Variants in CFAP20DC observed in about 807,000 individuals in gnomAD.
CFAP20DC encodes the protein CFAP20 domain containing.
Under a neutral mutation model 101.7 loss-of-function variants are expected in CFAP20DC, and 84 were observed. The ratio of observed to expected loss-of-function variants is 0.83; its 90% CI spans 0.69 to 0.99. The LOEUF is 0.99. CFAP20DC is among the 50% of genes least tolerant of loss of function. CFAP20DC has a pLI of 0.00. For missense variants in CFAP20DC, 1,007 were observed against 970.3 expected (o/e 1.04, Z -0.50); for synonymous variants, 359 against 351.2 (o/e 1.02, Z -0.25).
chr3:59,001,896 C>T lies in CFAP20DC; in HGVS notation c.278+37661G>A, dbSNP rs750900222. The stretch of plus-strand genomic sequence containing the variant: ...AATTAGTGTGGCTTGAGCGGAAGGA[C>T]AAAAACGTGACATGTGGTAAAGAAG... On this transcript the variant is annotated intron_variant, in intron 4 of 16. Coordinates refer to ENST00000482387, the MANE Select transcript of CFAP20DC (RefSeq NM_001394063.1). The surrounding 1 kb of genome is among the most constrained non-coding windows in gnomAD (Gnocchi z 4.5). 1.6e-4 allele frequency among the ~76,000 whole-genome samples: 25 copies of T among 152,022 alleles called. No homozygotes were observed. The highest frequency in any genetic ancestry group is 1.2e-3 in the Admixed American group (19 of 15,274).
chr3:58,890,173 G>A (rs1357452873), intron 6 of CFAP20DC, among the ~76,000 whole-genome samples: 1 of 150,224 alleles, frequency 6.7e-6, no homozygotes, highest in African/African-American at 2.5e-5. Flanking sequence ...CGGCTGGCTG[G>A]GCAGGGGGCT....
At chr3:58,939,324 G>C (rs1445942715) in intron 4 of CFAP20DC, among the ~76,000 whole-genome samples, 1 of 152,072 alleles carries the variant, frequency 6.6e-6, no homozygotes, top group African/African-American at 2.4e-5. Context: ...GAAATAAAAG[G>C]AAAGACTACT....
Position 58,967,686 on chromosome 3 carries a change from T to A in CFAP20DC, c.279-29924A>T, listed in dbSNP as rs576599198. ...AACGAAAAGATAATCCAATTAAAAATGGGCAAATAATTTATTTTTAATTTT... is the reference window on the plus strand; with the variant it reads ...AACGAAAAGATAATCCAATTAAAAAAGGGCAAATAATTTATTTTTAATTTT... On this transcript the variant is annotated intron_variant, in intron 4 of 16. Coordinates refer to ENST00000482387, the MANE Select transcript of CFAP20DC (RefSeq NM_001394063.1). Among the ~76,000 whole-genome samples the A allele has an allele frequency of 1.8e-4, 28 of 152,248 alleles. No individual in the cohort carries two copies. In the South Asian group the frequency reaches 5.2e-3, roughly 28 times the overall value.
chr3:58,834,131 A>G (rs890486022), intron 13 of CFAP20DC, among the ~76,000 whole-genome samples: 1 of 152,222 alleles, frequency 6.6e-6, no homozygotes, highest in Non-Finnish European at 1.5e-5. Context: ...TGATGGTTAC[A>G]GAATCTTGTG....
intron 14 of CFAP20DC, among the ~76,000 whole-genome samples, chr3:58,819,438 A>C (rs1362060765): frequency 6.6e-6 from 1 of 151,308 alleles, no homozygotes; most frequent in Non-Finnish European, 1.5e-5. Flanking sequence ...AAATAGACAC[A>C]ATAAAAAATG....
At chr3:58,939,063 G>A (rs867828901) in intron 4 of CFAP20DC, among the ~76,000 whole-genome samples, 4 of 152,276 alleles carry the variant, frequency 2.6e-5, no homozygotes, top group South Asian at 2.1e-4. Flanking sequence ...TGGGGAGGGG[G>A]AGTGATATGC....
chr3:58,855,777 A>T (rs1279426227), intron 12 of CFAP20DC, among the ~76,000 whole-genome samples: 10 of 145,050 alleles, frequency 6.9e-5, no homozygotes, highest in Non-Finnish European at 1.5e-4. Flanking sequence ...TAGGTGGGAA[A>T]TGAACAATGA....
At chr3:58,847,424 C>T (rs1435101558) in intron 13 of CFAP20DC, among the ~76,000 whole-genome samples, 4 of 150,648 alleles carry the variant, frequency 2.7e-5, no homozygotes, top group African/African-American at 9.7e-5. Context: ...AAATGCTCAC[C>T]ATCACTGGCC....
chr3:58,894,016 G>A lies in CFAP20DC; in HGVS notation c.551-9307C>T, dbSNP rs771232418. On this transcript the variant is annotated intron_variant, in intron 6 of 16. Transcript: ENST00000482387. This position sits in a 1 kb window ranked among gnomAD's most constrained non-coding sequence, Gnocchi z 4.1. Reference sequence around the variant, plus strand: ...GAAACTCCCCTTTTTAAAACCATCAGATCTCAAAAGACTTACTTGCTATCA... The same window carrying A: ...GAAACTCCCCTTTTTAAAACCATCAAATCTCAAAAGACTTACTTGCTATCA... 2.0e-5 allele frequency among the ~76,000 whole-genome samples: 3 copies of A among 152,126 alleles called. No homozygotes were observed. The highest frequency in any genetic ancestry group is 2.9e-5 in the Non-Finnish European group (2 of 68,018).
intron 6 of CFAP20DC, among the ~76,000 whole-genome samples, chr3:58,909,284 C>T (rs539910218): frequency 3.3e-5 from 5 of 151,944 alleles, no homozygotes; most frequent in Admixed American, 6.6e-5. Flanking sequence ...CTATACTGTC[C>T]GCTTCATTTT....
At chr3:58,995,396 T>C (rs1451138059) in intron 4 of CFAP20DC, among the ~76,000 whole-genome samples, 1 of 151,988 alleles carries the variant, frequency 6.6e-6, no homozygotes, top group Non-Finnish European at 1.5e-5. Context: ...AAAAACACTA[T>C]TTGTAGAAAT....
rs545108488 is a variant in CFAP20DC, at chr3:58,843,090, C to A, written c.1971+5942G>T. Among the ~76,000 whole-genome samples the A allele has an allele frequency of 1.3e-3, 201 of 152,320 alleles. 1 individual carries two copies. Among genetic ancestry groups the A allele is most frequent in the African/African-American group, 4.7e-3 (196 of 41,576 alleles). ...AAACAGAACAGAAAAACTGGAAACT[C>A]TAAAACGCAGAGCGCCTCTCTTCCT... On this transcript the variant is annotated intron_variant, in intron 13 of 16. Coordinates refer to ENST00000482387, the MANE Select transcript of CFAP20DC (RefSeq NM_001394063.1).
chr3:58,838,747 A>C (rs1427611441), intron 13 of CFAP20DC, among the ~76,000 whole-genome samples: 1 of 152,174 alleles, frequency 6.6e-6, no homozygotes, highest in African/African-American at 2.4e-5. Flanking sequence ...ACTCTTATTA[A>C]CCTTAAAGTG....
Position 58,799,240 on chromosome 3 carries a change from C to T in CFAP20DC, c.2237+7155G>A, listed in dbSNP as rs2073484532. On this transcript the variant is annotated intron_variant, in intron 15 of 16. Transcript: ENST00000482387. This position sits in a 1 kb window ranked among gnomAD's most constrained non-coding sequence, Gnocchi z 4.9. ...ACTCCATAAAATACGTGTGAATAGGCCCATACAAATAAGCAACTGCCAGTA... is the reference window on the plus strand; with the variant it reads ...ACTCCATAAAATACGTGTGAATAGGTCCATACAAATAAGCAACTGCCAGTA... Among the ~76,000 whole-genome samples, 2 of 152,126 alleles carry T rather than the reference C, an allele frequency of 1.3e-5. No individual in the cohort carries two copies. The highest frequency in any genetic ancestry group is 4.1e-4 in the South Asian group (2 of 4,824).
chr3:58,814,848 A>T (rs1273420810), intron 14 of CFAP20DC, among the ~76,000 whole-genome samples: 2 of 150,922 alleles, frequency 1.3e-5, no homozygotes, highest in East Asian at 3.9e-4. Flanking sequence ...CTGCTCAAGG[A>T]AATAAAAGAG....
At chr3:58,898,668 T>C (rs2082879504) in intron 6 of CFAP20DC, among the ~76,000 whole-genome samples, 1 of 152,212 alleles carries the variant, frequency 6.6e-6, no homozygotes, top group East Asian at 1.9e-4. Flanking sequence ...TTACCCACCT[T>C]CTGAAGCCTA....
intron 15 of CFAP20DC, among the ~76,000 whole-genome samples, chr3:58,786,388 T>A (rs1017274147): frequency 6.6e-6 from 1 of 152,142 alleles, no homozygotes; most frequent in Non-Finnish European, 1.5e-5. Flanking sequence ...TAGTCCCTCC[T>A]TGTCCTTGGT....
At chr3:58,878,550 T>C (rs1337873277) in intron 7 of CFAP20DC, among the ~76,000 whole-genome samples, 1 of 152,182 alleles carries the variant, frequency 6.6e-6, no homozygotes, top group Admixed American at 6.5e-5. Flanking sequence ...CAAGAAAACT[T>C]TCCATTTTGA....
intron 16 of CFAP20DC, among the ~76,000 whole-genome samples, chr3:58,743,771 C>G (rs2068011534): frequency 6.6e-6 from 1 of 152,140 alleles, no homozygotes; most frequent in Non-Finnish European, 1.5e-5. Context: ...AAAATCAGAC[C>G]AAGCTGGTGC....
Sources: gnomAD v4.1 joint callset for allele counts (sites outside exome capture counted in the v4.1 genomes callset) on GRCh38, gnomAD v4.1.1 for gene constraint, Gnocchi (gnomAD v3.1) non-coding constraint, MANE v1.5 for transcripts, NCBI Gene and HGNC (gene_info 2026-07-23, HGNC 2026-07-21) for gene names.